The following C14orf132 variants were observed in gnomAD, a reference collection of about 807,000 sequenced individuals.
The protein encoded by C14orf132 is chromosome 14 open reading frame 132.
C14orf132 carries 6 observed loss-of-function variants against 5.8 expected under a neutral mutation model. The observed-to-expected ratio is 1.03, with a 90% CI of 0.57 to 2.04. C14orf132 has a LOEUF of 2.04. Among genes scored for constraint, C14orf132 ranks in the 30% most tolerant of loss-of-function variants. The pLI, the probability that C14orf132 is intolerant of heterozygous loss-of-function variation, is 0.00. For missense variants in C14orf132, 125 were observed against 115.8 expected, an observed-to-expected ratio of 1.08 and a Z score of -0.37; for synonymous variants, 51 against 49.8, an observed-to-expected ratio of 1.02 and a Z score of -0.10.
chr14:96,083,170 G>A (rs1888080773), intron 1 of C14orf132, among the ~76,000 whole-genome samples: 1 of 152,198 alleles, frequency 6.6e-6, no homozygotes, highest in African/African-American at 2.4e-5. Flanking sequence ...CCCTTCTGCT[G>A]ATTTCAAGTT....
intron 1 of C14orf132, among the ~76,000 whole-genome samples, chr14:96,049,562 GTATATA>G (rs541742670): frequency 3.9e-4 from 37 of 94,482 alleles, no homozygotes; most frequent in Non-Finnish European, 6.9e-4. Flanking sequence ...ACATATATAC[GTATATA>G]TACATATATA....
At position 96,093,015 on chromosome 14, in the gene C14orf132, A is replaced by G. The variant is rs985142953; in HGVS notation, c.*6280A>G. ...CAGGGGACCCTGTGCTGGCCATCCT[A>G]TCTCTGATTCTGAAACTATGCATGC... On this transcript the variant is annotated 3_prime_UTR_variant, in exon 2 of 2. Transcript: ENST00000555004. 6.6e-6 allele frequency: 1 copy of G among 152,200 alleles called. No homozygotes were observed. Among genetic ancestry groups the G allele is most frequent in the Non-Finnish European group, 1.5e-5 (1 of 68,056 alleles). 9.4% of individuals were successfully genotyped at this position (152,200 alleles called of 1,614,324 possible). A position where few individuals can be genotyped will look rare whatever the true frequency, so the allele number is the denominator to read the frequency against.
chr14:96,042,075 C>T, intron 1 of C14orf132, among the ~76,000 whole-genome samples: 1 of 152,158 alleles, frequency 6.6e-6, no homozygotes, highest in East Asian at 1.9e-4. Context: ...AATGCCAATG[C>T]CACTGAACAG....
chr14:96,071,590 TG>T (rs1887708806), intron 1 of C14orf132, among the ~76,000 whole-genome samples: 1 of 152,212 alleles, frequency 6.6e-6, no homozygotes, highest in Non-Finnish European at 1.5e-5. Context: ...CACTGCCCCC[TG>T]GGGATCCCCA....
chr14:96,077,383 T>C (rs1887901391), intron 1 of C14orf132, among the ~76,000 whole-genome samples: 1 of 152,094 alleles, frequency 6.6e-6, no homozygotes, highest in African/African-American at 2.4e-5. Flanking sequence ...GACATGAGTG[T>C]ATTTGGAGAT....
chr14:96,051,736 G>A (rs370895127), intron 1 of C14orf132, among the ~76,000 whole-genome samples: 5 of 152,264 alleles, frequency 3.3e-5, no homozygotes, highest in East Asian at 3.9e-4. Context: ...GGTTCCACCC[G>A]GGTCCTGCTG....
intron 1 of C14orf132, among the ~76,000 whole-genome samples, chr14:96,056,223 TG>T (rs1287422630): frequency 6.6e-6 from 1 of 152,180 alleles, no homozygotes; most frequent in African/African-American, 2.4e-5. Flanking sequence ...AGCATGCTGG[TG>T]GCATGCAGCA....
chr14:96,058,464 A>C (rs1237306817), intron 1 of C14orf132, among the ~76,000 whole-genome samples: 1 of 152,058 alleles, frequency 6.6e-6, no homozygotes, highest in Non-Finnish European at 1.5e-5. Context: ...GGAAGGTTTT[A>C]ATCATCTACC....
chr14:96,084,975 C>T (rs1306729506), intron 1 of C14orf132, among the ~76,000 whole-genome samples: 3 of 152,198 alleles, frequency 2.0e-5, no homozygotes, highest in Non-Finnish European at 4.4e-5. Flanking sequence ...TGCCCAGGCA[C>T]GTGTGTGCCT....
chr14:96,049,653 T>TATATGGAGAGAG (rs371381526), intron 1 of C14orf132, among the ~76,000 whole-genome samples: 5 of 82,280 alleles, frequency 6.1e-5, no homozygotes, highest in Admixed American at 1.3e-4. Flanking sequence ...TATATATATA[T>TATATGGAGAGAG]AGAGAGAGAG....
intron 1 of C14orf132, among the ~76,000 whole-genome samples, chr14:96,058,468 A>T (rs1887245618): frequency 6.6e-6 from 1 of 152,092 alleles, no homozygotes; most frequent in Non-Finnish European, 1.5e-5. Context: ...GGTTTTAATC[A>T]TCTACCTTCT....
chr14:96,076,222 T>A (rs1887859738), intron 1 of C14orf132, among the ~76,000 whole-genome samples: 1 of 152,252 alleles, frequency 6.6e-6, no homozygotes, highest in Non-Finnish European at 1.5e-5. Context: ...ATTATCTCAG[T>A]AATTCCTTAT....
intron 1 of C14orf132, among the ~76,000 whole-genome samples, chr14:96,065,247 CCT>C (rs1204976880): frequency 6.6e-6 from 1 of 152,100 alleles, no homozygotes; most frequent in Non-Finnish European, 1.5e-5. Flanking sequence ...AGTGTGTTCC[CCT>C]GAGAGCTACA....
intron 1 of C14orf132, among the ~76,000 whole-genome samples, chr14:96,077,238 G>T (rs1887896069): frequency 2.0e-5 from 3 of 152,262 alleles, no homozygotes; most frequent in Middle Eastern, 6.8e-3. Flanking sequence ...GAAGTGCTGA[G>T]GTGTGATAAT....
At chr14:96,041,159 G>A (rs993623447) in intron 1 of C14orf132, among the ~76,000 whole-genome samples, 3 of 152,086 alleles carry the variant, frequency 2.0e-5, no homozygotes, top group East Asian at 1.9e-4. Context: ...GGTTACATGC[G>A]CAGTACTGTG....
chr14:96,053,632 G>T (rs1419068414), intron 1 of C14orf132, among the ~76,000 whole-genome samples: 1 of 152,202 alleles, frequency 6.6e-6, no homozygotes, highest in African/African-American at 2.4e-5. Context: ...AACAGCAGCT[G>T]GTGGTCTTGT....
At position 96,082,084 on chromosome 14, in the gene C14orf132, C is replaced by T. The variant is rs113848889; in HGVS notation, c.28-4427C>T. On this transcript the variant is annotated intron_variant, in intron 1 of 1. Coordinates refer to ENST00000555004, the MANE Select transcript of C14orf132 (RefSeq NM_001252507.3). ...CTCTTAAGCCACTCTGTCTTCTGCA[C>T]AGTAGCTTTTCTAGGGTTTAAGGTT... 2.3e-3 allele frequency among the ~76,000 whole-genome samples: 345 copies of T among 152,304 alleles called. 1 individual carries two copies. The highest frequency in any genetic ancestry group is 8.0e-3 in the African/African-American group (331 of 41,568).
At chr14:96,066,143 G>A (rs9323941) in intron 1 of C14orf132, among the ~76,000 whole-genome samples, 33,617 of 152,046 alleles carry the variant, frequency 0.22, 4,080 homozygotes, top group Non-Finnish European at 0.27. Flanking sequence ...TCTTCTTAAG[G>A]TTCTTAGCCA....
In C14orf132 at chr14:96,092,357, C is replaced by T. The variant is rs2146935; in HGVS notation, c.*5622C>T. 0.055 allele frequency: 8,346 copies of T among 152,204 alleles called. 458 individuals carry two copies. The highest frequency in any genetic ancestry group is 0.3 in the East Asian group (1,557 of 5,152). 9.4% of individuals were successfully genotyped at this position (152,204 alleles called of 1,614,324 possible). A position where few individuals can be genotyped will look rare whatever the true frequency, so the allele number is the denominator to read the frequency against. ...CTTTTTCAAGCTGATTTCCTGCCTC[C>T]CCAAGAGGAGGTTTGAGCCCCATTC... is the stretch of plus-strand genomic sequence containing the variant. On this transcript the variant is annotated 3_prime_UTR_variant, in exon 2 of 2. Transcript: ENST00000555004.
Sources: gnomAD v4.1 joint callset for allele counts (sites outside exome capture counted in the v4.1 genomes callset) on GRCh38, gnomAD v4.1.1 for gene constraint, MANE v1.5 for transcripts, NCBI Gene and HGNC (gene_info 2026-07-23, HGNC 2026-07-21) for gene names.